The following ANK3 variants were observed in gnomAD, a reference collection of about 807,000 sequenced individuals.
The protein encoded by ANK3 is ankyrin-3.
A neutral mutation model predicts 370.9 loss-of-function variants in ANK3; 57 were observed. The ratio of observed to expected loss-of-function variants is 0.15; its 90% CI spans 0.12 to 0.19. The LOEUF is 0.19. Among genes scored for constraint, ANK3 ranks in the 10% least tolerant of loss-of-function variants. The pLI is 1.00. For synonymous variants in ANK3, 1,929 were observed against 1,946.3 expected (o/e 0.99, Z 0.23); for missense variants, 4,439 against 5,302.1 (o/e 0.84, Z 5.06).
At chr10:60,344,820 T>G (rs1303446544) in intron 1 of ANK3, among the ~76,000 whole-genome samples, 1 of 152,208 alleles carries the variant, frequency 6.6e-6, no homozygotes, top group Non-Finnish European at 1.5e-5. Context: ...TCAATCAAAT[T>G]CACTCTGTGA....
chr10:60,188,109 C>T (rs947946340), intron 16 of ANK3, among the ~76,000 whole-genome samples: 3 of 152,162 alleles, frequency 2.0e-5, no homozygotes, highest in African/African-American at 7.2e-5. Flanking sequence ...CTCTCTAGTG[C>T]CTCACAATAA....
At chr10:60,264,216 A>G (rs572914801) in intron 5 of ANK3, among the ~76,000 whole-genome samples, 196 bp from the exon 6 acceptor site, 169 of 152,352 alleles carry the variant, frequency 1.1e-3, no homozygotes, top group African/African-American at 3.9e-3. Context: ...AAAAAATACT[A>G]AGAAATTTGT....
intron 1 of ANK3, among the ~76,000 whole-genome samples, chr10:60,354,557 A>G (rs1397606787): frequency 6.6e-6 from 1 of 152,198 alleles, no homozygotes; most frequent in Non-Finnish European, 1.5e-5. Context: ...GTTGTTTTTT[A>G]ATAACACTTT....
chr10:60,197,883 G>A (rs3897459), intron 14 of ANK3, among the ~76,000 whole-genome samples: 116,500 of 152,122 alleles, frequency 0.77, 44,684 homozygotes, highest in East Asian at 0.85. Flanking sequence ...CAAACCATAA[G>A]TCAGACAAGA....
At chr10:60,304,643 G>GA (rs1379312719) in intron 1 of ANK3, among the ~76,000 whole-genome samples, 1 of 151,318 alleles carries the variant, frequency 6.6e-6, no homozygotes, top group African/African-American at 2.4e-5. Context: ...GCTCTGTCTC[G>GA]AAAAAAAGAA....
At chr10:60,649,162 C>G (rs2078753361) in intron 1 of ANK3, among the ~76,000 whole-genome samples, 1 of 152,074 alleles carries the variant, frequency 6.6e-6, no homozygotes, top group Admixed American at 6.6e-5. Context: ...TAAGAGAGAG[C>G]ATTTTGCTTC....
chr10:60,415,562 C>T (rs1053993832), intron 2 of ANK3, among the ~76,000 whole-genome samples: 1 of 152,072 alleles, frequency 6.6e-6, no homozygotes, highest in African/African-American at 2.4e-5. Context: ...CCACACCCTG[C>T]TACAGGCTTC....
chr10:60,102,411 T>C (rs917332644), intron 28 of ANK3, among the ~76,000 whole-genome samples: 4 of 152,146 alleles, frequency 2.6e-5, no homozygotes, highest in Non-Finnish European at 5.9e-5. Flanking sequence ...TAGTTCACTA[T>C]TAGGCATCCT....
intron 26 of ANK3, among the ~76,000 whole-genome samples, 196 bp downstream of exon 26, chr10:60,114,027 TCA>T (rs202085024): frequency 3.0e-3 from 230 of 76,724 alleles, no homozygotes; most frequent in African/African-American, 0.015. Context: ...TAAATTTTTC[TCA>T]AAAAAAAAAC....
chr10:60,147,904 T>C (rs2132238083), intron 23 of ANK3, among the ~76,000 whole-genome samples: 1 of 152,350 alleles, frequency 6.6e-6, no homozygotes, highest in South Asian at 2.1e-4. Context: ...AGTGTGAGAA[T>C]GGACTAATAC....
At chr10:60,045,672 G>A (rs1036606051) in intron 42 of ANK3, among the ~76,000 whole-genome samples, 5 of 152,110 alleles carry the variant, frequency 3.3e-5, no homozygotes, top group South Asian at 2.1e-4. Flanking sequence ...TTTGTTTTAG[G>A]GAAAATGGCC....
chr10:60,573,874 G>C (rs539343427), intron 2 of ANK3, among the ~76,000 whole-genome samples: 1 of 152,118 alleles, frequency 6.6e-6, no homozygotes, highest in Non-Finnish European at 1.5e-5. Flanking sequence ...TCCATTCCTA[G>C]GGGCTGGGAG....
At chr10:60,296,983 G>T (rs149285191) in intron 1 of ANK3, among the ~76,000 whole-genome samples, 1,893 of 152,114 alleles carry the variant, frequency 0.012, 23 homozygotes, top group African/African-American at 0.026. Flanking sequence ...TTGTCTCAAA[G>T]AAATAAATAA....
At chr10:60,597,030 C>T (rs2077997003) in intron 2 of ANK3, among the ~76,000 whole-genome samples, 1 of 152,004 alleles carries the variant, frequency 6.6e-6, no homozygotes, top group African/African-American at 2.4e-5. Context: ...TGAAATTTTC[C>T]TGATTTAAAA....
chr10:60,041,057 T>C (rs747384086), intron 43 of ANK3, among the ~76,000 whole-genome samples: 1 of 152,210 alleles, frequency 6.6e-6, no homozygotes, highest in Non-Finnish European at 1.5e-5. Flanking sequence ...TCTTGGATCC[T>C]TCTCATCCAA....
In ANK3 at chr10:60,247,893, TTG is replaced by T. The variant is rs537494923; in HGVS notation, c.799-13109_799-13108del. The stretch of plus-strand genomic sequence containing the variant: ...TGTTGGCTAGGCAGGTGTTGAACTC[TTG>T]ACCTCAGATGATGTGCCTGCCTCAG... On this transcript the variant is annotated intron_variant, in intron 7 of 43. Coordinates refer to ENST00000280772, the MANE Select transcript of ANK3 (RefSeq NM_020987.5). 1.8e-4 allele frequency among the ~76,000 whole-genome samples: 27 copies of T among 152,258 alleles called. No homozygotes were observed. In the South Asian group the frequency reaches 2.7e-3, roughly 15 times the overall value.
intron 21 of ANK3, among the ~76,000 whole-genome samples, chr10:60,171,099 C>T (rs925716875): frequency 1.3e-5 from 2 of 152,002 alleles, no homozygotes; most frequent in African/African-American, 4.8e-5. Flanking sequence ...GGTTTGAACA[C>T]TTTTTTTGAG....
Position 60,578,075 on chromosome 10 carries a change from C to T in ANK3, c.96+37111G>A, listed in dbSNP as rs114248831. On this transcript the variant is annotated intron_variant, in intron 2 of 43. Transcript: ENST00000373827. ...TCTTTGTGACAGTATGGTTTTGATACACTAGATTCATTTTTGACAATGCAT... is the reference window on the plus strand; with the variant it reads ...TCTTTGTGACAGTATGGTTTTGATATACTAGATTCATTTTTGACAATGCAT... 1.3e-3 allele frequency among the ~76,000 whole-genome samples: 197 copies of T among 152,278 alleles called. 2 individuals carry two copies. The highest frequency in any genetic ancestry group is 4.5e-3 in the African/African-American group (187 of 41,550).
intron 7 of ANK3, among the ~76,000 whole-genome samples, chr10:60,237,228 G>A (rs1396085856): frequency 1.3e-5 from 2 of 152,200 alleles, no homozygotes; most frequent in Non-Finnish European, 2.9e-5. Flanking sequence ...TCTGTTTTCT[G>A]AGTACAAGTG....
Sources: gnomAD v4.1 joint callset for allele counts (sites outside exome capture counted in the v4.1 genomes callset) on GRCh38, gnomAD v4.1.1 for gene constraint, MANE v1.5 for transcripts, NCBI Gene and HGNC (gene_info 2026-07-23, HGNC 2026-07-21) for gene names.